Variants in DNAH11 observed in about 807,000 individuals in gnomAD.
The protein encoded by DNAH11 is dynein axonemal heavy chain 11.
In DNAH11, 442 loss-of-function variants were observed where a neutral mutation model predicts 526.0. The ratio of observed to expected loss-of-function variants is 0.84; its 90% CI spans 0.78 to 0.91. DNAH11 has a LOEUF of 0.91. Ranked by LOEUF, DNAH11 falls within the 40% of genes least tolerant of loss-of-function variation. DNAH11 has a pLI of 0.00. For missense variants in DNAH11, 6,989 were observed against 5,448.7 expected (o/e 1.28, Z -8.90); for synonymous variants, 2,461 against 1,935.9 (o/e 1.27, Z -7.12).
At chr7:21,636,683 G>A (rs1325368088) in intron 26 of DNAH11, among the ~76,000 whole-genome samples, 4 of 152,134 alleles carry the variant, frequency 2.6e-5, no homozygotes, top group African/African-American at 9.7e-5. Flanking sequence ...AGGTTGCAGT[G>A]AGCTATGACT....
intron 58 of DNAH11, 44 bp from the exon 59 acceptor site, chr7:21,786,580 C>T (rs138482572): frequency 5.1e-6 from 8 of 1,563,796 alleles, no homozygotes; most frequent in Non-Finnish European, 7.0e-6. Context: ...TCCAGACTTC[C>T]GCTAATCCTG....
intron 79 of DNAH11, among the ~76,000 whole-genome samples, chr7:21,898,613 G>T (rs1319989910): frequency 6.6e-6 from 1 of 152,024 alleles, no homozygotes; most frequent in African/African-American, 2.4e-5. Flanking sequence ...ACAATTCAAG[G>T]TTTCACTTCT....
chr7:21,604,174 C>T (rs561237029), intron 18 of DNAH11, among the ~76,000 whole-genome samples: 1 of 152,286 alleles, frequency 6.6e-6, no homozygotes, highest in Non-Finnish European at 1.5e-5. Flanking sequence ...ACCCTAAAGT[C>T]TGGCTATGCC....
intron 62 of DNAH11, among the ~76,000 whole-genome samples, chr7:21,803,157 C>T (rs954749051): frequency 6.6e-6 from 1 of 152,018 alleles, no homozygotes; most frequent in Non-Finnish European, 1.5e-5. Flanking sequence ...ATGCCTTTAG[C>T]TGACAAGCAT....
At position 21,599,860 on chromosome 7, in the gene DNAH11, T is replaced by G. The variant is rs774552662; in HGVS notation, c.2741T>G (p.Ile914Ser). ...WKIYVEFIDD[I>S]VVEGFFQAIM... ...ATTTATGTAGAATTCATTGACGACA[T>G]TGTGGTGGAAGGCTTTTTTCAGGCT... Residue 914 changes from isoleucine to serine, a missense_variant, in exon 15 of 82, where the codon ATT becomes AGT. Transcript: ENST00000409508. The G allele has an allele frequency of 4.4e-6, 7 of 1,609,094 alleles. No homozygotes were observed. The highest frequency in any genetic ancestry group is 2.7e-5 in the African/African-American group (2 of 74,808).
chr7:21,682,525 CAAAA>C (rs60337481), intron 31 of DNAH11, among the ~76,000 whole-genome samples: 4,575 of 95,798 alleles, frequency 0.048, 80 homozygotes, highest in African/African-American at 0.056. Flanking sequence ...GACTCCATCT[CAAAA>C]AAAAAAAAAA....
At chr7:21,754,923 A>G (rs757386597) in intron 54 of DNAH11, among the ~76,000 whole-genome samples, 3 of 152,178 alleles carry the variant, frequency 2.0e-5, no homozygotes, top group Admixed American at 6.5e-5. Flanking sequence ...AAATTGCTCT[A>G]TGTTATTTTC....
intron 32 of DNAH11, 57 bp downstream of exon 32, chr7:21,684,001 T>A: frequency 1.3e-6 from 2 of 1,566,248 alleles, no homozygotes; most frequent in Non-Finnish European, 1.7e-6. Context: ...AGTCCCCTAG[T>A]GTGAGAATGA....
chr7:21,763,795 CATATACATATACATATACATAT>C (rs1274218522), intron 54 of DNAH11, among the ~76,000 whole-genome samples: 2 of 72,092 alleles, frequency 2.8e-5, no homozygotes, highest in Non-Finnish European at 8.5e-5. Context: ...GCTATATATA[CATATACATATACATATACATAT>C]ATATACATAT....
chr7:21,683,504 T>C (rs1305413516), intron 31 of DNAH11, among the ~76,000 whole-genome samples: 2 of 148,692 alleles, frequency 1.3e-5, no homozygotes, highest in Non-Finnish European at 3.0e-5. Flanking sequence ...TTACAAGATT[T>C]ATCTAATCCC....
chr7:21,670,080 C>G (rs1782584324), intron 30 of DNAH11, among the ~76,000 whole-genome samples: 1 of 151,994 alleles, frequency 6.6e-6, no homozygotes, highest in Non-Finnish European at 1.5e-5. Flanking sequence ...TAATTTTAGC[C>G]TAATTAAATT....
chr7:21,643,579 TGAC>T lies in DNAH11; in HGVS notation c.4944+4515_4944+4517del, dbSNP rs1562723492. Among the ~76,000 whole-genome samples, 3 of 152,214 alleles carry T rather than the reference TGAC, an allele frequency of 2.0e-5. No homozygotes were observed. In the South Asian group the frequency reaches 6.2e-4, roughly 32 times the overall value. ...ACTTGAAATGTGGCAGCTAAGGAAC[TGAC>T]TTTTTATTGTAATGAATTGCAATTG... On this transcript the variant is annotated intron_variant, in intron 28 of 81. Coordinates refer to ENST00000409508, the MANE Select transcript of DNAH11 (RefSeq NM_001277115.2).
intron 57 of DNAH11, among the ~76,000 whole-genome samples, chr7:21,783,829 C>T (rs1788060577): frequency 6.6e-6 from 1 of 152,152 alleles, no homozygotes; most frequent in Non-Finnish European, 1.5e-5. Context: ...GATGTGGGCT[C>T]TTGCATCTCT....
intron 69 of DNAH11, among the ~76,000 whole-genome samples, chr7:21,863,949 T>G (rs900422840): frequency 3.3e-5 from 5 of 152,340 alleles, no homozygotes; most frequent in Admixed American, 1.3e-4. Context: ...TTAGGAATAC[T>G]TCATTTGTAC....
chr7:21,571,434 C>T (rs181790294), intron 7 of DNAH11, among the ~76,000 whole-genome samples: 1 of 152,142 alleles, frequency 6.6e-6, no homozygotes, highest in East Asian at 1.9e-4. Flanking sequence ...TGCACGCCAC[C>T]ATGCCTAGTT....
chr7:21,632,416 G>A (rs879835589), intron 25 of DNAH11, among the ~76,000 whole-genome samples: 7 of 151,978 alleles, frequency 4.6e-5, no homozygotes, highest in East Asian at 1.9e-4. Flanking sequence ...TCACATTGTC[G>A]GGCTACAAAT....
At chr7:21,651,429 C>G (rs1023129359) in intron 28 of DNAH11, among the ~76,000 whole-genome samples, 20 of 152,058 alleles carry the variant, frequency 1.3e-4, no homozygotes, top group African/African-American at 4.3e-4. Flanking sequence ...GTGGCGCGAT[C>G]TCAGCTCACT....
intron 57 of DNAH11, 30 bp from the exon 58 acceptor site, chr7:21,784,397 C>G (rs150937916): frequency 5.3e-6 from 8 of 1,511,250 alleles, no homozygotes; most frequent in Non-Finnish European, 7.3e-6. Flanking sequence ...ATAATTTATA[C>G]GGGTTTGTGT....
intron 14 of DNAH11, among the ~76,000 whole-genome samples, chr7:21,594,277 T>C (rs1784793300): frequency 6.6e-6 from 1 of 152,186 alleles, no homozygotes; most frequent in African/African-American, 2.4e-5. Context: ...CTGCTGGGAA[T>C]TGTATGCAAC....
Sources: gnomAD v4.1 joint callset for allele counts (sites outside exome capture counted in the v4.1 genomes callset) on GRCh38, gnomAD v4.1.1 for gene constraint, MANE v1.5 for transcripts, NCBI Gene and HGNC (gene_info 2026-07-23, HGNC 2026-07-21) for gene names.